Variants in PLCG2 observed in about 807,000 individuals in gnomAD.
PLCG2 encodes the protein phospholipase C gamma 2, also known as 1-phosphatidylinositol 4,5-bisphosphate phosphodiesterase gamma-2.
A neutral mutation model predicts 175.6 loss-of-function variants in PLCG2; 69 were observed. That is an observed-to-expected ratio of 0.39 (90% confidence interval 0.32 to 0.48). The LOEUF (loss-of-function observed/expected upper bound fraction) is 0.48. Among genes scored for constraint, PLCG2 ranks in the 20% least tolerant of loss-of-function variants. The probability of loss-of-function intolerance (pLI) is 0.91; values close to 1 mark genes in which losing one functional copy is unlikely to be tolerated. For missense variants in PLCG2, 1,798 were observed against 1,650.9 expected (o/e 1.09, Z -1.54); for synonymous variants, 827 against 624.0 (o/e 1.33, Z -4.85).
At chr16:81,937,108 G>T (rs1397595414) in intron 27 of PLCG2, among the ~76,000 whole-genome samples, 1 of 152,226 alleles carries the variant, frequency 6.6e-6, no homozygotes, top group African/African-American at 2.4e-5. Flanking sequence ...TTGCCCTGAG[G>T]AAAACCACTG....
rs187023553 is a variant in PLCG2 at position 81,871,227 on chromosome 16, G to A, written c.648+292G>A. Among the ~76,000 whole-genome samples, 24 of 152,300 alleles carry A rather than the reference G, an allele frequency of 1.6e-4. No homozygotes were observed. In the East Asian group the frequency reaches 3.9e-3, roughly 24 times the overall value. Reference sequence around the variant, plus strand: ...TTTGATCTGAGTCTGTTAAAAAAGTGCAACTCACTCTACTGCATTATTTCA... The same window carrying A: ...TTTGATCTGAGTCTGTTAAAAAAGTACAACTCACTCTACTGCATTATTTCA... On this transcript the variant is annotated intron_variant, in intron 7 of 32. Transcript: ENST00000564138.
At chr16:81,753,108 A>T (rs1054972217) in intron 1 of PLCG2, among the ~76,000 whole-genome samples, 1 of 152,184 alleles carries the variant, frequency 6.6e-6, no homozygotes, top group African/African-American at 2.4e-5. Flanking sequence ...GAGGATGGCC[A>T]GTGGCAGCTC....
chr16:81,836,245 G>GT (rs939560100), intron 2 of PLCG2, among the ~76,000 whole-genome samples: 20 of 152,196 alleles, frequency 1.3e-4, no homozygotes, highest in Admixed American at 1.3e-3. Context: ...GCCCAGGGAG[G>GT]TAAAATGACT....
chr16:81,805,245 A>T (rs1209473592), intron 2 of PLCG2, among the ~76,000 whole-genome samples: 1 of 152,206 alleles, frequency 6.6e-6, no homozygotes, highest in Non-Finnish European at 1.5e-5. Flanking sequence ...CATGCCTGTA[A>T]TCCCAGCACT....
chr16:81,938,798 C>T lies in PLCG2; in HGVS notation c.3199-3C>T, dbSNP rs767476094. 1 of 1,595,300 alleles carries T rather than the reference C, an allele frequency of 6.3e-7. No homozygotes were observed. The highest frequency in any genetic ancestry group is 1.3e-5 in the African/African-American group (1 of 74,576). On this transcript the variant is annotated splice_polypyrimidine_tract_variant and splice_region_variant and intron_variant, in intron 28 of 32. Transcript: ENST00000564138. ...GTTCCAATGCTTCCCTTTGGTGTCC[C>T]AGGTTCTCGGTGCTCGCCATCTCCC...
At chr16:81,783,470 T>C (rs4338799) in intron 1 of PLCG2, among the ~76,000 whole-genome samples, 7 of 152,148 alleles carry the variant, frequency 4.6e-5, no homozygotes, top group Admixed American at 4.6e-4. Flanking sequence ...CTTTTGAGAG[T>C]GGCAAGTACT....
At chr16:81,903,631 C>T (rs559446245) in intron 14 of PLCG2, among the ~76,000 whole-genome samples, 14 of 152,282 alleles carry the variant, frequency 9.2e-5, no homozygotes, top group South Asian at 6.2e-4. Flanking sequence ...GCTTCCAGCA[C>T]GGTGAAGGCA....
At chr16:81,875,444 G>C (rs888051913) in intron 7 of PLCG2, among the ~76,000 whole-genome samples, 1 of 152,108 alleles carries the variant, frequency 6.6e-6, no homozygotes, top group African/African-American at 2.4e-5. Flanking sequence ...CAACTTTGAC[G>C]CATAGCCATG....
chr16:81,937,191 G>T (rs1185157550), intron 27 of PLCG2, among the ~76,000 whole-genome samples: 2 of 152,192 alleles, frequency 1.3e-5, no homozygotes, highest in African/African-American at 4.8e-5. Flanking sequence ...GCAAATAGGT[G>T]GAGGTTGGAG....
upstream of PLCG2, among the ~76,000 whole-genome samples, chr16:81,774,744 G>T (rs951545496): frequency 5.2e-4 from 74 of 143,038 alleles, no homozygotes; most frequent in African/African-American, 1.6e-3. Context: ...CTCTAAGGGT[G>T]TTTTTTTTTT....
At chr16:81,848,005 C>G (rs1413970769) in intron 2 of PLCG2, among the ~76,000 whole-genome samples, 1 of 152,094 alleles carries the variant, frequency 6.6e-6, no homozygotes, top group Non-Finnish European at 1.5e-5. Flanking sequence ...CAAAGTGATT[C>G]CAAAGGTTAT....
At chr16:81,852,413 A>C (rs966934649) in intron 2 of PLCG2, among the ~76,000 whole-genome samples, 1 of 152,036 alleles carries the variant, frequency 6.6e-6, no homozygotes, top group African/African-American at 2.4e-5. Flanking sequence ...AGCACATGGA[A>C]TGGGTGCATC....
At chr16:81,754,590 G>C (rs570505629) in intron 1 of PLCG2, among the ~76,000 whole-genome samples, 4 of 149,406 alleles carry the variant, frequency 2.7e-5, no homozygotes, top group African/African-American at 9.9e-5. Flanking sequence ...GCACTTCACA[G>C]TTTGTCAAGG....
intron 17 of PLCG2, among the ~76,000 whole-genome samples, chr16:81,909,377 C>T (rs775494212): frequency 6.6e-6 from 1 of 152,078 alleles, no homozygotes; most frequent in Admixed American, 6.6e-5. Flanking sequence ...GAAAACCTTC[C>T]TGAAAGAAGA....
At chr16:81,952,666 G>T (rs1402692490) in intron 31 of PLCG2, among the ~76,000 whole-genome samples, 1 of 152,188 alleles carries the variant, frequency 6.6e-6, no homozygotes, top group African/African-American at 2.4e-5. Context: ...ATAGCCACAT[G>T]TCTGTGAATG....
rs567876150 is a variant in PLCG2, at chr16:81,802,446, C to G, written c.193+16264C>G. Among the ~76,000 whole-genome samples, 3 of 151,782 alleles carry G rather than the reference C, an allele frequency of 2.0e-5. No homozygotes were observed. The South Asian group carries it at 6.3e-4, about 32-fold the overall frequency. On this transcript the variant is annotated intron_variant, in intron 2 of 32. Transcript: ENST00000564138. ...TACAGTCTTATTCATGTCTGTACTT[C>G]CAGCTTTTGCTACCAAGTGTTCCCA...
chr16:81,847,464 C>T (rs2143449363), intron 2 of PLCG2, among the ~76,000 whole-genome samples: 1 of 152,108 alleles, frequency 6.6e-6, no homozygotes, highest in Middle Eastern at 3.4e-3. Context: ...ACCCTCTAAT[C>T]ACATCGTTGG....
chr16:81,910,235 C>G (rs73596878), intron 17 of PLCG2, among the ~76,000 whole-genome samples: 172 of 152,246 alleles, frequency 1.1e-3, no homozygotes, highest in African/African-American at 3.6e-3. Flanking sequence ...GGATTACAGG[C>G]ATGCACCACC....
intron 2 of PLCG2, among the ~76,000 whole-genome samples, chr16:81,800,530 GCGAAGGACA>G (rs1911673668): frequency 6.6e-6 from 1 of 152,104 alleles, no homozygotes; most frequent in African/African-American, 2.4e-5. Flanking sequence ...CTATGTCCCT[GCGAAGGACA>G]CGATCTCGTT....
Sources: gnomAD v4.1 joint callset for allele counts (sites outside exome capture counted in the v4.1 genomes callset) on GRCh38, gnomAD v4.1.1 for gene constraint, MANE v1.5 for transcripts, NCBI Gene and HGNC (gene_info 2026-07-23, HGNC 2026-07-21) for gene names.